The following AGBL1 variants were observed in gnomAD, a reference collection of about 807,000 sequenced individuals.
AGBL1 encodes cytosolic carboxypeptidase 4.
In AGBL1, 130 loss-of-function variants were observed where a neutral mutation model predicts 118.9. The observed-to-expected ratio is 1.09, with a 90% CI of 0.95 to 1.26. AGBL1 has a LOEUF of 1.26. Among genes scored for constraint, AGBL1 ranks in the 50% most tolerant of loss-of-function variants. AGBL1 has a pLI of 0.00. For synonymous variants in AGBL1, 555 were observed against 478.9 expected, an observed-to-expected ratio of 1.16 and a Z score of -2.08; for missense variants, 1,584 against 1,298.1, an observed-to-expected ratio of 1.22 and a Z score of -3.38.
At chr15:86,359,557 A>T (rs1567216683) in intron 17 of AGBL1, among the ~76,000 whole-genome samples, 3 of 148,518 alleles carry the variant, frequency 2.0e-5, no homozygotes, top group African/African-American at 4.9e-5. Flanking sequence ...TTTTAGGACA[A>T]TTTTTTTTTT....
Position 86,716,641 on chromosome 15 carries a change from G to C in AGBL1, c.3158+42205G>C, listed in dbSNP as rs529400962. ...GCCAATACTCAGCTTTCAGATGTCA[G>C]AATAGAAAGGACACCTACACCTGAG... On this transcript the variant is annotated intron_variant, in intron 22 of 22. Transcript: ENST00000614907. 9.7e-4 allele frequency among the ~76,000 whole-genome samples: 147 copies of C among 152,310 alleles called. 1 individual carries two copies. The highest frequency in any genetic ancestry group is 3.4e-3 in the African/African-American group (141 of 41,576).
intron 21 of AGBL1, among the ~76,000 whole-genome samples, chr15:86,649,075 G>T (rs866909308): frequency 1.3e-5 from 2 of 152,146 alleles, no homozygotes; most frequent in Non-Finnish European, 2.9e-5. Flanking sequence ...GAGAGGTAAA[G>T]CTTATGGTGT....
rs11392440 is a variant in AGBL1, at chr15:86,251,821, GA to G, written c.735+3953del. Among the ~76,000 whole-genome samples the G allele has an allele frequency of 2.0e-3, 293 of 146,312 alleles. 1 individual carries two copies. Among genetic ancestry groups the G allele is most frequent in the African/African-American group, 3.6e-3 (143 of 39,912 alleles). ...CGGATGACAATTTGAATGCAAGATT[GA>G]AAAAAAAAAAGAACTCCTACAAGGA... On this transcript the variant is annotated intron_variant, in intron 7 of 22. Coordinates refer to ENST00000614907, the MANE Select transcript of AGBL1 (RefSeq NM_001386094.1).
chr15:86,548,415 C>T (rs983284410), intron 20 of AGBL1, among the ~76,000 whole-genome samples: 12 of 152,100 alleles, frequency 7.9e-5, no homozygotes, highest in Non-Finnish European at 1.5e-4. Flanking sequence ...GTCAGTGAAT[C>T]CTCTCTGCAA....
intron 21 of AGBL1, among the ~76,000 whole-genome samples, chr15:86,602,799 G>T (rs1352300538): frequency 1.3e-5 from 2 of 152,228 alleles, no homozygotes; most frequent in African/African-American, 2.4e-5. Flanking sequence ...AAAAAATAAG[G>T]CTTGGAGGGA....
At chr15:86,607,668 G>C (rs777834998) in intron 21 of AGBL1, among the ~76,000 whole-genome samples, 1 of 152,112 alleles carries the variant, frequency 6.6e-6, no homozygotes, top group Non-Finnish European at 1.5e-5. Context: ...GACTTACTAT[G>C]TTGAACATCT....
At chr15:86,734,675 C>T (rs2077568886) in intron 22 of AGBL1, among the ~76,000 whole-genome samples, 1 of 152,112 alleles carries the variant, frequency 6.6e-6, no homozygotes, top group Non-Finnish European at 1.5e-5. Flanking sequence ...TGCGACAAAG[C>T]AATGAAGTGA....
At chr15:86,787,706 A>G (rs540494760) in intron 22 of AGBL1, among the ~76,000 whole-genome samples, 2 of 152,198 alleles carry the variant, frequency 1.3e-5, no homozygotes, top group Admixed American at 6.5e-5. Flanking sequence ...CAGCACAGAT[A>G]TATTTTTGAG....
At chr15:86,155,493 T>C (rs1468421285) in intron 4 of AGBL1, among the ~76,000 whole-genome samples, 1 of 152,164 alleles carries the variant, frequency 6.6e-6, no homozygotes, top group African/African-American at 2.4e-5. Flanking sequence ...TTCATACAGA[T>C]AAAAAGTCAG....
chr15:86,377,926 C>G lies in AGBL1; in HGVS notation c.2375-19440C>G, dbSNP rs145623511. Among the ~76,000 whole-genome samples the G allele has an allele frequency of 5.2e-3, 789 of 152,260 alleles. 6 individuals are homozygous for G. The highest frequency in any genetic ancestry group is 0.018 in the African/African-American group (752 of 41,538). On this transcript the variant is annotated intron_variant, in intron 17 of 22. Transcript: ENST00000614907. The stretch of plus-strand genomic sequence containing the variant: ...GATACATATCCTGCTGTGGTCCTCT[C>G]TTCTTTCCCATGGTAGAAGAGAGAC...
chr15:86,972,722 G>A (rs72757450), intron 23 of AGBL1, among the ~76,000 whole-genome samples: 1 of 151,968 alleles, frequency 6.6e-6, no homozygotes, highest in African/African-American at 2.4e-5. Flanking sequence ...AATGCACTGA[G>A]CATGCATGCT....
At chr15:86,107,672 G>A (rs1567058643) in intron 1 of AGBL1, 1 of 152,176 alleles carries the variant, frequency 6.6e-6, no homozygotes, top group East Asian at 1.9e-4. Flanking sequence ...TCATCAGTGG[G>A]GATGGGAGGA....
intron 22 of AGBL1, among the ~76,000 whole-genome samples, chr15:86,893,550 A>G (rs1596601613): frequency 6.6e-6 from 1 of 152,196 alleles, no homozygotes. Flanking sequence ...AAAAATCAAA[A>G]CAAAGAAACT....
intron 22 of AGBL1, among the ~76,000 whole-genome samples, chr15:86,715,040 C>T (rs1463224040): frequency 6.6e-6 from 1 of 152,190 alleles, no homozygotes; most frequent in East Asian, 1.9e-4. Flanking sequence ...TGCCTCTGTA[C>T]TCCCTGCCCC....
chr15:86,338,014 A>T (rs2080401156), intron 17 of AGBL1, among the ~76,000 whole-genome samples: 2 of 152,188 alleles, frequency 1.3e-5, no homozygotes, highest in Non-Finnish European at 2.9e-5. Context: ...AAAAAAGATA[A>T]GGTCTTGCCC....
chr15:87,028,515 C>T (rs2081756502), intron 24 of AGBL1, among the ~76,000 whole-genome samples: 1 of 151,652 alleles, frequency 6.6e-6, no homozygotes, highest in Admixed American at 6.6e-5. Flanking sequence ...TACCTAATGA[C>T]TTTATATTTT....
intron 22 of AGBL1, among the ~76,000 whole-genome samples, chr15:86,777,128 T>A (rs1596471862): frequency 6.6e-6 from 1 of 152,042 alleles, no homozygotes; most frequent in Non-Finnish European, 1.5e-5. Context: ...CAATTAATGG[T>A]CCCAGCACCA....
chr15:86,703,104 C>T (rs1450891917), intron 22 of AGBL1, among the ~76,000 whole-genome samples: 1 of 152,146 alleles, frequency 6.6e-6, no homozygotes, highest in Non-Finnish European at 1.5e-5. Context: ...CACTGAAAGG[C>T]TTTTATCAAC....
intron 23 of AGBL1, among the ~76,000 whole-genome samples, chr15:86,957,716 G>A (rs1596674492): frequency 1.3e-5 from 2 of 152,002 alleles, no homozygotes; most frequent in East Asian, 1.9e-4. Flanking sequence ...CAAAACAAAT[G>A]TAGATTTATC....
Sources: gnomAD v4.1 joint callset for allele counts (sites outside exome capture counted in the v4.1 genomes callset) on GRCh38, gnomAD v4.1.1 for gene constraint, MANE v1.5 for transcripts, NCBI Gene and HGNC (gene_info 2026-07-23, HGNC 2026-07-21) for gene names.